Variants in RAP1GAP observed in about 807,000 individuals in gnomAD.
The protein encoded by RAP1GAP is RAP1 GTPase activating protein, also known as rap1 GTPase-activating protein 1.
RAP1GAP carries 35 observed loss-of-function variants against 87.2 expected under a neutral mutation model. That is an observed-to-expected ratio of 0.40 (90% CI 0.31 to 0.53). RAP1GAP has a LOEUF of 0.53. Ranked by LOEUF, RAP1GAP falls within the 20% of genes least tolerant of loss-of-function variation. The pLI, the probability that RAP1GAP is intolerant of heterozygous loss-of-function variation, is 0.48. For synonymous variants in RAP1GAP, 375 were observed against 363.9 expected, an observed-to-expected ratio of 1.03 and a Z score of -0.35; for missense variants, 734 against 898.9, an observed-to-expected ratio of 0.82 and a Z score of 2.35.
At chr1:21,626,832 C>T (rs763286577) in intron 2 of RAP1GAP, 14 of 452,686 alleles carry the variant, frequency 3.1e-5, no homozygotes, top group Non-Finnish European at 4.9e-5. Flanking sequence ...TGACAGTGAC[C>T]GTGACCATAA....
chr1:21,622,256 G>C lies in RAP1GAP; in HGVS notation c.-18-2206C>G. 1 of 405,978 alleles carries C rather than the reference G, an allele frequency of 2.5e-6. No homozygotes were observed. The highest frequency in any genetic ancestry group is 6.9e-4 in the Middle Eastern group (1 of 1,448). 25.1% of individuals were successfully genotyped at this position (405,978 alleles called of 1,614,324 possible). ...AGCCTTGTCCGCCCGCCCTGGCTGG[G>C]GCAGAGCCGGCCGGGCTCCCCAGCA... On this transcript the variant is annotated intron_variant, in intron 3 of 24. Coordinates refer to ENST00000374765, the MANE Select transcript of RAP1GAP (RefSeq NM_002885.4). The surrounding 1 kb of genome is among the most constrained non-coding windows in gnomAD (Gnocchi z 5.7).
chr1:21,610,567 A>C (rs766403868), intron 13 of RAP1GAP, among the ~76,000 whole-genome samples: 2 of 152,184 alleles, frequency 1.3e-5, no homozygotes, highest in Non-Finnish European at 2.9e-5. Context: ...ATATCTATTG[A>C]AATTACAAGA....
intron 1 of RAP1GAP, among the ~76,000 whole-genome samples, chr1:21,662,259 G>T (rs2097179755): frequency 6.6e-6 from 1 of 152,286 alleles, no homozygotes; most frequent in African/African-American, 2.4e-5. Flanking sequence ...GGCCCCAAGG[G>T]CTCCGGCACA....
In RAP1GAP at chr1:21,613,204, T is replaced by A; in HGVS notation, c.500A>T (p.Asp167Val). The A allele has an allele frequency of 6.4e-7, 1 of 1,564,636 alleles. No individual in the cohort carries two copies. The highest frequency in any genetic ancestry group is 8.8e-7 in the Non-Finnish European group (1 of 1,135,164). The change falls in exon 10 of 25, where the codon GAT (aspartate) becomes GTT (valine). Residue 167 changes from aspartate (D) to valine (V), a missense_variant. Transcript: ENST00000374765. This position sits in a 1 kb window ranked among gnomAD's most constrained non-coding sequence, Gnocchi z 4.7. ...AKLVCEDVNVDRFYPVLYPKA... is the reference protein window; with the variant it reads ...AKLVCEDVNVVRFYPVLYPKA... ...GGGGTAGAGCACAGGATAGAACCGA[T>A]CCACATTGACGTCTTCACACACCAA...
At position 21,613,280 on chromosome 1, in the gene RAP1GAP, G is replaced by C. The variant is rs763744536; in HGVS notation, c.475-51C>G. Reference sequence around the variant, plus strand: ...GTGAGGTGTGGGGCCAGGGAGGAGAGGATGGGGCTGCCTGGGCCTCCCTGG... The same window carrying C: ...GTGAGGTGTGGGGCCAGGGAGGAGACGATGGGGCTGCCTGGGCCTCCCTGG... On this transcript the variant is annotated intron_variant, in intron 9 of 24. Transcript: ENST00000374765. This position sits in a 1 kb window ranked among gnomAD's most constrained non-coding sequence, Gnocchi z 4.7. 2.0e-6 allele frequency: 3 copies of C among 1,477,050 alleles called. 1 individual carries two copies. In the South Asian group the frequency reaches 3.4e-5, roughly 17 times the overall value. The allele number at this position is 1,477,050 out of a possible 1,614,324, so 91.5% of individuals were successfully genotyped here.
At chr1:21,631,471 A>G (rs550360756) in intron 2 of RAP1GAP, among the ~76,000 whole-genome samples, 62 of 152,350 alleles carry the variant, frequency 4.1e-4, no homozygotes, top group African/African-American at 1.4e-3. Context: ...GGATCGCCTG[A>G]GGCCAGGAGT....
intron 20 of RAP1GAP, 34 bp from the exon 21 acceptor site, chr1:21,599,651 AC>A (rs1558593323): frequency 6.3e-7 from 1 of 1,582,630 alleles, no homozygotes. Context: ...GCCGGTGTCC[AC>A]CCCGAGCCCC....
intron 1 of RAP1GAP, 145 bp from the exon 2 acceptor site, chr1:21,649,941 A>G (rs953700394): frequency 2.4e-6 from 2 of 817,420 alleles, no homozygotes; most frequent in Non-Finnish European, 4.0e-6. Context: ...TGCAGTCACT[A>G]TCACCCTTAG....
intron 2 of RAP1GAP, among the ~76,000 whole-genome samples, chr1:21,628,383 T>G (rs2092884634): frequency 2.8e-5 from 3 of 105,680 alleles, no homozygotes; most frequent in Non-Finnish European, 5.3e-5. Context: ...GCCAATATGG[T>G]GAAACCCCAT....
chr1:21,607,373 T>C (rs1284606973), intron 17 of RAP1GAP, among the ~76,000 whole-genome samples: 1 of 152,218 alleles, frequency 6.6e-6, no homozygotes, highest in Non-Finnish European at 1.5e-5. Flanking sequence ...CAAGTTGCCA[T>C]TACCCTACTC....
chr1:21,609,517 C>A lies in RAP1GAP; in HGVS notation c.1071+58G>T. 9.6e-7 allele frequency: 1 copy of A among 1,041,028 alleles called. No individual in the cohort carries two copies. The highest frequency in any genetic ancestry group is 1.3e-6 in the Non-Finnish European group (1 of 748,578). 64.5% of individuals were successfully genotyped at this position (1,041,028 alleles called of 1,614,324 possible). A position where few individuals can be genotyped will look rare whatever the true frequency, so the allele number is the denominator to read the frequency against. The stretch of plus-strand genomic sequence containing the variant: ...CTCATAAGGCAGAATGTGTATGCAC[C>A]CCCCAGGCCCCCACCCATTTGTCCT... On this transcript the variant is annotated intron_variant, in intron 15 of 24. Transcript: ENST00000374765. This position sits in a 1 kb window ranked among gnomAD's most constrained non-coding sequence, Gnocchi z 4.4.
chr1:21,625,664 A>C (rs141802922), intron 3 of RAP1GAP, among the ~76,000 whole-genome samples: 2 of 152,360 alleles, frequency 1.3e-5, no homozygotes, highest in East Asian at 3.9e-4. Flanking sequence ...CTTAGTACAC[A>C]GTAAGTCTCA....
Position 21,619,007 on chromosome 1 carries a change from A to C in RAP1GAP, c.66+18T>G. ...CTCCACCCCCTAGAGAGGGAGGCAG[A>C]CTGCCAGGCCCACCTACTTTGAGGG... On this transcript the variant is annotated intron_variant, in intron 5 of 24. Transcript: ENST00000374765. 6.3e-7 allele frequency: 1 copy of C among 1,589,700 alleles called. No individual in the cohort carries two copies. Among genetic ancestry groups the C allele is most frequent in the Non-Finnish European group, 8.6e-7 (1 of 1,166,344 alleles).
chr1:21,654,151 C>T (rs1006030266), intron 1 of RAP1GAP, among the ~76,000 whole-genome samples: 2 of 152,172 alleles, frequency 1.3e-5, no homozygotes, highest in Admixed American at 1.3e-4. Context: ...AGGGTTGCAG[C>T]AGGACAGTCC....
chr1:21,651,825 TGCCGCC>T, intron 1 of RAP1GAP: 2 of 1,232,934 alleles, frequency 1.6e-6, no homozygotes, highest in South Asian at 2.8e-5. Flanking sequence ...CCGCTCATGG[TGCCGCC>T]GCCGCCGCCC....
intron 1 of RAP1GAP, among the ~76,000 whole-genome samples, chr1:21,652,498 C>T (rs1272917834): frequency 6.6e-6 from 1 of 152,142 alleles, no homozygotes. Flanking sequence ...AATAGCCCCT[C>T]CTTGCCCACC....
chr1:21,636,990 G>A (rs2094839328), intron 2 of RAP1GAP, among the ~76,000 whole-genome samples: 1 of 151,040 alleles, frequency 6.6e-6, no homozygotes, highest in South Asian at 2.1e-4. Flanking sequence ...TGAGCAACCT[G>A]CCATGTAAGG....
At chr1:21,608,759 G>T in intron 16 of RAP1GAP, 91 bp downstream of exon 16, 1 of 1,344,438 alleles carries the variant, frequency 7.4e-7, no homozygotes, top group Non-Finnish European at 1.1e-6. Flanking sequence ...GCCAAGGTCT[G>T]AACATGGCTT....
intron 4 of RAP1GAP, 96 bp from the exon 5 acceptor site, chr1:21,619,168 G>A (rs2084681451): frequency 6.1e-6 from 8 of 1,316,570 alleles, no homozygotes; most frequent in Non-Finnish European, 6.3e-6. Context: ...CCTAGGAGGC[G>A]GCCCGCGAAG....
Sources: allele counts gnomAD v4.1 joint callset (sites outside exome capture counted in the v4.1 genomes callset), GRCh38; gene constraint gnomAD v4.1.1; non-coding constraint Gnocchi (gnomAD v3.1); transcripts MANE v1.5; gene names NCBI Gene and HGNC (gene_info 2026-07-23, HGNC 2026-07-21).